NRXN3: variants seen among roughly 807,000 people sequenced by gnomAD.
NRXN3 encodes the protein neurexin 3.
Under a neutral mutation model 137.6 loss-of-function variants are expected in NRXN3, and 32 were observed. The observed-to-expected ratio is 0.23, with a 90% confidence interval of 0.18 to 0.31. NRXN3 has a LOEUF of 0.31. NRXN3 is among the 10% of genes least tolerant of loss of function. The probability of loss-of-function intolerance (pLI) is 1.00; values close to 1 mark genes in which losing one functional copy is unlikely to be tolerated. For synonymous variants in NRXN3, 798 were observed against 784.5 expected (o/e 1.02, Z -0.29); for missense variants, 1,574 against 2,062.5 (o/e 0.76, Z 4.59).
intron 4 of NRXN3, among the ~76,000 whole-genome samples, chr14:78,485,388 G>A (rs1199092942): frequency 1.3e-5 from 2 of 152,130 alleles, no homozygotes; most frequent in Admixed American, 1.3e-4. Flanking sequence ...CTACTTTTCT[G>A]TAAGGGCCCC....
At chr14:78,935,394 C>T (rs1188051440) in intron 10 of NRXN3, among the ~76,000 whole-genome samples, 1 of 152,154 alleles carries the variant, frequency 6.6e-6, no homozygotes, top group African/African-American at 2.4e-5. Flanking sequence ...TTGGTATCTC[C>T]AGGGGACTGG....
At chr14:79,535,457 T>C (rs935902654) in intron 16 of NRXN3, among the ~76,000 whole-genome samples, 1 of 152,218 alleles carries the variant, frequency 6.6e-6, no homozygotes, top group African/African-American at 2.4e-5. Context: ...TGCTTTCTGC[T>C]TTGAGGATGG....
At chr14:78,983,367 C>A (rs1218144461) in intron 14 of NRXN3, among the ~76,000 whole-genome samples, 1 of 152,142 alleles carries the variant, frequency 6.6e-6, no homozygotes, top group African/African-American at 2.4e-5. Context: ...CAGCATTAAT[C>A]ACAATAGCTA....
chr14:78,532,206 A>G (rs2096473362), intron 4 of NRXN3, among the ~76,000 whole-genome samples: 1 of 151,598 alleles, frequency 6.6e-6, no homozygotes, highest in Non-Finnish European at 1.5e-5. Flanking sequence ...CTGTAATCCC[A>G]GCTACTCGGG....
At chr14:78,804,520 C>T (rs1055032639) in intron 9 of NRXN3, among the ~76,000 whole-genome samples, 1 of 152,162 alleles carries the variant, frequency 6.6e-6, no homozygotes, top group Non-Finnish European at 1.5e-5. Flanking sequence ...AAGATTGTTA[C>T]CTTGTACTAT....
intron 16 of NRXN3, among the ~76,000 whole-genome samples, chr14:79,486,789 C>T (rs1193214824): frequency 6.6e-6 from 1 of 152,094 alleles, no homozygotes; most frequent in Non-Finnish European, 1.5e-5. Flanking sequence ...GACTGAGGTC[C>T]TGAATGAATG....
intron 15 of NRXN3, among the ~76,000 whole-genome samples, chr14:79,321,383 A>G (rs2089991748): frequency 6.6e-6 from 1 of 152,182 alleles, no homozygotes. Flanking sequence ...GTCCTAACTA[A>G]AAACCATTTC....
At chr14:78,816,066 CAT>C (rs750007070) in intron 10 of NRXN3, among the ~76,000 whole-genome samples, 1 of 152,094 alleles carries the variant, frequency 6.6e-6, no homozygotes, top group African/African-American at 2.4e-5. Flanking sequence ...TTTCTTGTAA[CAT>C]ATAGAACACT....
At chr14:79,779,105 A>G (rs894623357) in intron 19 of NRXN3, among the ~76,000 whole-genome samples, 1 of 152,108 alleles carries the variant, frequency 6.6e-6, no homozygotes, top group Admixed American at 6.5e-5. Context: ...ATGGCAATGA[A>G]TTGTTGTTGT....
intron 15 of NRXN3, among the ~76,000 whole-genome samples, chr14:79,433,501 A>G (rs1050362737): frequency 1.1e-4 from 17 of 152,010 alleles, no homozygotes; most frequent in African/African-American, 4.1e-4. Context: ...ATGTCTCCAG[A>G]CTCACACTAG....
chr14:78,629,622 G>A (rs1008670671), intron 4 of NRXN3, among the ~76,000 whole-genome samples: 7 of 152,176 alleles, frequency 4.6e-5, no homozygotes, highest in Admixed American at 2.0e-4. Flanking sequence ...TCCATACAAC[G>A]TAATTAGCTA....
chr14:78,936,874 T>C (rs1435288333), intron 10 of NRXN3, among the ~76,000 whole-genome samples: 1 of 152,124 alleles, frequency 6.6e-6, no homozygotes, highest in Non-Finnish European at 1.5e-5. Flanking sequence ...TGGTCTCTCA[T>C]CAAAGATGTA....
intron 9 of NRXN3, among the ~76,000 whole-genome samples, chr14:78,805,113 A>AG (rs2098854622): frequency 6.6e-6 from 1 of 151,964 alleles, no homozygotes; most frequent in South Asian, 2.1e-4. Flanking sequence ...ATAAACCTAA[A>AG]ATCTCTGGGA....
At chr14:78,702,987 G>A (rs868613931) in intron 6 of NRXN3, among the ~76,000 whole-genome samples, 5 of 152,146 alleles carry the variant, frequency 3.3e-5, no homozygotes, top group South Asian at 4.2e-4. Flanking sequence ...GTTAAATATC[G>A]TGCCCAATGT....
Position 78,645,278 on chromosome 14 carries a change from G to A in NRXN3, c.916G>A (p.Val306Ile). The A allele has an allele frequency of 1.3e-6, 2 of 1,598,930 alleles. No individual in the cohort carries two copies. The highest frequency in any genetic ancestry group is 2.7e-5 in the African/African-American group (2 of 75,048). ...ILHTGKSADY[V>I]NLALKDGAVS... ...GCACACGGGCAAGTCGGCTGACTAT[G>A]TCAACCTGGCTCTGAAGGATGGTGC... Residue 306 changes from valine (V) to isoleucine (I), a missense_variant, in exon 5 of 21, where the codon GTC (valine) becomes ATC (isoleucine). Val to Ile is a conservative substitution (Grantham distance 29, BLOSUM62 3). Transcript: ENST00000335750.
rs564665296 is a variant in NRXN3, at chr14:78,297,785, A to G, written c.728-46A>G. ...CTTTGTCTTCTTTCTTTTTTTCCTT[A>G]CCCTTCCCCACTCCTCTTCCCTTTC... On this transcript the variant is annotated intron_variant, in intron 3 of 20. Coordinates refer to ENST00000335750, the MANE Select transcript of NRXN3 (RefSeq NM_001330195.2). 2.2e-6 allele frequency: 3 copies of G among 1,342,984 alleles called. No individual in the cohort carries two copies. The East Asian group carries it at 7.5e-5, about 34-fold the overall frequency. 83.2% of individuals were successfully genotyped at this position (1,342,984 alleles called of 1,614,324 possible).
At chr14:78,472,730 C>T (rs1053435336) in intron 4 of NRXN3, among the ~76,000 whole-genome samples, 1 of 152,008 alleles carries the variant, frequency 6.6e-6, no homozygotes, top group East Asian at 1.9e-4. Flanking sequence ...CTAAAAGAAG[C>T]GTTGGAGTTT....
Position 78,709,600 on chromosome 14 carries a change from G to T in NRXN3, c.1605G>T (p.Lys535Asn). 6.2e-7 allele frequency: 1 copy of T among 1,613,952 alleles called. No homozygotes were observed. The highest frequency in any genetic ancestry group is 8.5e-7 in the Non-Finnish European group (1 of 1,180,002). The change falls in exon 7 of 21, where the codon AAG (lysine) becomes AAT (asparagine). Residue 535 changes from lysine to asparagine, a missense_variant. Physicochemically the swap from Lys to Asn is moderately conservative, Grantham distance 94. Coordinates refer to ENST00000335750, the MANE Select transcript of NRXN3 (RefSeq NM_001330195.2). ...SGTIKVKATQ[K>N]KANDGEWYHV... ...CCATCAAAGTGAAAGCCACTCAGAA[G>T]AAAGCCAATGATGGGGAATGGTACC...
intron 8 of NRXN3, among the ~76,000 whole-genome samples, chr14:78,783,164 C>G (rs2098776109): frequency 6.6e-6 from 1 of 152,160 alleles, no homozygotes; most frequent in Admixed American, 6.5e-5. Flanking sequence ...AAGATCCTGA[C>G]TTTATCAAAT....
Sources: allele counts gnomAD v4.1 joint callset (sites outside exome capture counted in the v4.1 genomes callset), GRCh38; gene constraint gnomAD v4.1.1; transcripts MANE v1.5; gene names NCBI Gene and HGNC (gene_info 2026-07-23, HGNC 2026-07-21).